ENAH: variants seen among roughly 807,000 people sequenced by gnomAD.
ENAH encodes ENAH actin regulator.
A neutral mutation model predicts 78.7 loss-of-function variants in ENAH; 23 were observed. That is an observed-to-expected ratio of 0.29 (90% confidence interval 0.21 to 0.41). ENAH has a LOEUF of 0.41. ENAH is among the 10% of genes least tolerant of loss of function. ENAH has a pLI of 1.00. For missense variants in ENAH, 544 were observed against 691.0 expected, an observed-to-expected ratio of 0.79 and a Z score of 2.39; for synonymous variants, 226 against 241.0, an observed-to-expected ratio of 0.94 and a Z score of 0.58.
In ENAH at chr1:225,488,915, T is replaced by C. The variant is rs930209276; in HGVS notation, c.*8860A>G. 2.6e-5 allele frequency: 4 copies of C among 152,240 alleles called. No individual in the cohort carries two copies. Among genetic ancestry groups the C allele is most frequent in the African/African-American group, 9.7e-5 (4 of 41,446 alleles). 9.4% of individuals were successfully genotyped at this position (152,240 alleles called of 1,614,324 possible). On this transcript the variant is annotated 3_prime_UTR_variant, in exon 14 of 14. Transcript: ENST00000366843. ...AGACATTGCTGTTAAACAGAGTCTT[T>C]TGGATTAAAACCAGGGAACTCGGAA...
intron 1 of ENAH, among the ~76,000 whole-genome samples, chr1:225,588,605 T>C (rs1193620050): frequency 6.6e-6 from 1 of 152,020 alleles, no homozygotes; most frequent in Non-Finnish European, 1.5e-5. Flanking sequence ...GTCAGGAGAT[T>C]GAGACCAGCC....
chr1:225,616,806 A>G (rs1203762054), intron 1 of ENAH, among the ~76,000 whole-genome samples: 1 of 152,202 alleles, frequency 6.6e-6, no homozygotes, highest in Non-Finnish European at 1.5e-5. Flanking sequence ...CACCCATTAA[A>G]TTAAGATTTG....
intron 1 of ENAH, among the ~76,000 whole-genome samples, chr1:225,647,937 A>G (rs532486378): frequency 1.1e-4 from 16 of 152,298 alleles, no homozygotes; most frequent in African/African-American, 3.1e-4. Context: ...CCACATAATT[A>G]TAAGACAGAA....
At chr1:225,581,675 A>G (rs904472464) in intron 1 of ENAH, among the ~76,000 whole-genome samples, 5 of 152,010 alleles carry the variant, frequency 3.3e-5, no homozygotes, top group East Asian at 1.9e-4. Context: ...AGATAAAACT[A>G]TAAACTCTGG....
chr1:225,646,134 CAA>C lies in ENAH; in HGVS notation c.5+6550_5+6551del, dbSNP rs576221345. 3.5e-3 allele frequency among the ~76,000 whole-genome samples: 531 copies of C among 149,760 alleles called. 2 individuals are homozygous for C. The highest frequency in any genetic ancestry group is 0.013 in the African/African-American group (517 of 40,204). ...ATCTAAAGTTCACCTAAATATTAAA[CAA>C]ATTATTTTCTTCCAAAGTTGTATGC... On this transcript the variant is annotated intron_variant, in intron 1 of 13. Transcript: ENST00000366843.
At chr1:225,609,543 CA>C (rs1335817126) in intron 1 of ENAH, among the ~76,000 whole-genome samples, 9 of 149,126 alleles carry the variant, frequency 6.0e-5, no homozygotes, top group Admixed American at 2.0e-4. Context: ...TTGAAACAGT[CA>C]AAAAAGGTTA....
chr1:225,500,747 C>CT (rs1359743664), intron 12 of ENAH, among the ~76,000 whole-genome samples: 1 of 152,158 alleles, frequency 6.6e-6, no homozygotes, highest in African/African-American at 2.4e-5. Context: ...ACATTTACAC[C>CT]TTATGCTGTT....
intron 1 of ENAH, among the ~76,000 whole-genome samples, chr1:225,604,160 C>T (rs2096943352): frequency 6.6e-6 from 1 of 152,154 alleles, no homozygotes; most frequent in Admixed American, 6.5e-5. Context: ...CAAATTTAAA[C>T]AAGCTACTTT....
chr1:225,568,919 T>C (rs2096747675), intron 1 of ENAH, among the ~76,000 whole-genome samples: 1 of 152,266 alleles, frequency 6.6e-6, no homozygotes. Flanking sequence ...TAACAATATT[T>C]GTGCAGCAAA....
intron 1 of ENAH, among the ~76,000 whole-genome samples, chr1:225,592,788 C>T (rs569382783): frequency 1.3e-5 from 2 of 152,120 alleles, no homozygotes; most frequent in South Asian, 4.1e-4. Flanking sequence ...CTTTCTTGGA[C>T]ATTTGTGGCT....
chr1:225,558,118 C>T (rs2096676818), intron 2 of ENAH, among the ~76,000 whole-genome samples: 2 of 152,190 alleles, frequency 1.3e-5, no homozygotes, highest in Admixed American at 6.5e-5. Context: ...TGATATTGCT[C>T]TGTTTGAAAT....
At chr1:225,518,965 G>A (rs1324075242) in intron 5 of ENAH, 1 of 631,768 alleles carries the variant, frequency 1.6e-6, no homozygotes, top group Non-Finnish European at 2.6e-6. Flanking sequence ...GAATTAGAAT[G>A]GCAGAATAAA....
rs1041287827 is a variant in ENAH at position 225,493,928 on chromosome 1, T to G, written c.*3847A>C. The G allele has an allele frequency of 6.6e-6, 1 of 152,062 alleles. No homozygotes were observed. Among genetic ancestry groups the G allele is most frequent in the African/African-American group, 2.4e-5 (1 of 41,430 alleles). 9.4% of individuals were successfully genotyped at this position (152,062 alleles called of 1,614,324 possible). A position where few individuals can be genotyped will look rare whatever the true frequency, so the allele number is the denominator to read the frequency against. On this transcript the variant is annotated 3_prime_UTR_variant, in exon 14 of 14. Coordinates refer to ENST00000366843, the MANE Select transcript of ENAH (RefSeq NM_018212.6). ...AGTATATATAAATTTACAAGAGACA[T>G]AAAAGTTGTAGCTAGGTAAATTTAA...
Position 225,611,447 on chromosome 1 carries a change from T to C in ENAH, c.5+41239A>G, listed in dbSNP as rs570014052. Reference sequence around the variant, plus strand: ...GATTCTCCTCCCTCAGCCTCCTGAGTAGCTGGGACTACAAGCGTGCATCAC... The same window carrying C: ...GATTCTCCTCCCTCAGCCTCCTGAGCAGCTGGGACTACAAGCGTGCATCAC... On this transcript the variant is annotated intron_variant, in intron 1 of 13. Transcript: ENST00000366843. 1.4e-4 allele frequency among the ~76,000 whole-genome samples: 22 copies of C among 152,188 alleles called. No homozygotes were observed. The South Asian group carries it at 3.5e-3, about 24-fold the overall frequency.
At chr1:225,538,789 T>C (rs949998672) in intron 3 of ENAH, among the ~76,000 whole-genome samples, 1 of 152,186 alleles carries the variant, frequency 6.6e-6, no homozygotes, top group Admixed American at 6.5e-5. Flanking sequence ...TTGTAAGCCG[T>C]TTATTTTTAG....
At chr1:225,633,519 T>C (rs941588826) in intron 1 of ENAH, among the ~76,000 whole-genome samples, 2 of 152,128 alleles carry the variant, frequency 1.3e-5, no homozygotes, top group East Asian at 3.8e-4. Flanking sequence ...ATAGAAAGTA[T>C]TAAGAGCAAG....
At chr1:225,522,720 A>G (rs1321622809) in intron 4 of ENAH, among the ~76,000 whole-genome samples, 1 of 152,194 alleles carries the variant, frequency 6.6e-6, no homozygotes, top group Non-Finnish European at 1.5e-5. Flanking sequence ...ACCTACATCA[A>G]AAAATATGGG....
chr1:225,594,574 G>A (rs766977725), intron 1 of ENAH, among the ~76,000 whole-genome samples: 1 of 152,114 alleles, frequency 6.6e-6, no homozygotes, highest in Non-Finnish European at 1.5e-5. Flanking sequence ...ACTCTATTAC[G>A]ATGATTTGTT....
At chr1:225,513,245 T>C (rs2151121332) in intron 7 of ENAH, among the ~76,000 whole-genome samples, 1 of 152,324 alleles carries the variant, frequency 6.6e-6, no homozygotes, top group Admixed American at 6.5e-5. Flanking sequence ...ATGTATCTCT[T>C]CCTGTGCTGC....
Sources: gnomAD v4.1 joint callset for allele counts (sites outside exome capture counted in the v4.1 genomes callset) on GRCh38, gnomAD v4.1.1 for gene constraint, MANE v1.5 for transcripts, NCBI Gene and HGNC (gene_info 2026-07-23, HGNC 2026-07-21) for gene names.